Variants in PLEKHO1 observed in about 807,000 individuals in gnomAD.
PLEKHO1 encodes pleckstrin homology domain-containing family O member 1.
PLEKHO1 carries 22 observed loss-of-function variants against 41.4 expected under a neutral mutation model. The observed-to-expected ratio is 0.53, with a 90% CI of 0.38 to 0.76. PLEKHO1 has a LOEUF of 0.76. PLEKHO1 is among the 30% of genes least tolerant of loss of function. The pLI, the probability that PLEKHO1 is intolerant of heterozygous loss-of-function variation, is 0.00. For missense variants in PLEKHO1, 488 were observed against 518.3 expected (o/e 0.94, Z 0.57); for synonymous variants, 225 against 210.8 (o/e 1.07, Z -0.58).
intron 2 of PLEKHO1, chr1:150,155,320 T>G (rs1553820138): frequency 6.6e-6 from 1 of 152,132 alleles, no homozygotes; most frequent in Non-Finnish European, 1.5e-5. Context: ...AGGGAGAGTC[T>G]AAGTGCATTC....
chr1:150,149,914 C>T (rs1323602903), upstream of PLEKHO1: 1 of 151,282 alleles, frequency 6.6e-6, no homozygotes, highest in East Asian at 1.9e-4. Flanking sequence ...ACTGGGCCGC[C>T]CACAGCGCAC....
intron 5 of PLEKHO1, 65 bp from the exon 6 acceptor site, chr1:150,158,754 A>T: frequency 1.8e-6 from 2 of 1,083,652 alleles, no homozygotes; most frequent in Non-Finnish European, 2.7e-6. Context: ...TGCATCTTTT[A>T]GGCAGTCATT....
intron 2 of PLEKHO1, chr1:150,155,736 T>A: frequency 4.9e-6 from 1 of 205,818 alleles, no homozygotes; most frequent in South Asian, 1.2e-4. Context: ...CGTGAGCCTT[T>A]TTAGAACATG....
Position 150,159,825 on chromosome 1 carries a change from C to T in PLEKHO1, c.*302C>T, listed in dbSNP as rs782251768. The T allele has an allele frequency of 2.3e-5, 6 of 261,660 alleles. No individual in the cohort carries two copies. Among genetic ancestry groups the T allele is most frequent in the South Asian group, 9.8e-5 (1 of 10,238 alleles). The allele number at this position is 261,660 out of a possible 1,614,324, so 16.2% of individuals were successfully genotyped here. On this transcript the variant is annotated 3_prime_UTR_variant, in exon 6 of 6. Transcript: ENST00000369124. Reference sequence around the variant, plus strand: ...CTCCACACACCGCCCGCCCCCAAGACGGCACAGGGAGTCCACTGCTGCTCC... The same window carrying T: ...CTCCACACACCGCCCGCCCCCAAGATGGCACAGGGAGTCCACTGCTGCTCC...
rs1660280895 is a variant in PLEKHO1, at chr1:150,158,738, A to G, written c.526-81A>G. On this transcript the variant is annotated intron_variant, in intron 5 of 5. Coordinates refer to ENST00000369124, the MANE Select transcript of PLEKHO1 (RefSeq NM_016274.6). The stretch of plus-strand genomic sequence containing the variant: ...GGAAGGCTTGTAGAGGAAAATGACC[A>G]CAGCTTGCATCTTTTAGGCAGTCAT... 6.3e-6 allele frequency: 6 copies of G among 945,524 alleles called. No homozygotes were observed. The East Asian group carries it at 9.7e-5, about 15-fold the overall frequency. 58.6% of individuals were successfully genotyped at this position (945,524 alleles called of 1,614,324 possible).
chr1:150,151,572 G>T (rs72694954), intron 2 of PLEKHO1, among the ~76,000 whole-genome samples: 18,517 of 152,160 alleles, frequency 0.12, 1,334 homozygotes, highest in Non-Finnish European at 0.17. Context: ...TCGGGTGTGT[G>T]AGTGGCAGTT....
chr1:150,153,315 G>C (rs587626372), intron 2 of PLEKHO1, among the ~76,000 whole-genome samples: 1 of 152,244 alleles, frequency 6.6e-6, no homozygotes, highest in Non-Finnish European at 1.5e-5. Context: ...AGCCTCCGGA[G>C]TAGCTGGGAC....
At chr1:150,153,170 A>G (rs114052060) in intron 2 of PLEKHO1, 5,174 of 152,268 alleles carry the variant, frequency 0.034, 109 homozygotes, top group Non-Finnish European at 0.047. Flanking sequence ...GGCCAATAGA[A>G]TCAAGACACG....
rs1052271237 is a variant in PLEKHO1 at position 150,159,011 on chromosome 1, C to G, written c.718C>G (p.Leu240Val). 24 of 1,614,052 alleles carry G rather than the reference C, an allele frequency of 1.5e-5. No individual in the cohort carries two copies. The highest frequency in any genetic ancestry group is 2.0e-5 in the Non-Finnish European group (24 of 1,179,998). The change falls in exon 6 of 6, where the codon CTC becomes GTC. Residue 240 changes from leucine to valine, a missense_variant. Leu to Val is a conservative substitution (Grantham distance 32). This residue lies in a region of PLEKHO1 where 337 missense variants were observed against 324.6 expected (regional missense o/e 1.04). Transcript: ENST00000369124. ...IQPSADRASS[L>V]SRPWEKTDKG... ...GCCCTCCGCAGACCGGGCAAGCAGTCTCTCCCGACCTTGGGAAAAAACAGA... is the reference window on the plus strand; with the variant it reads ...GCCCTCCGCAGACCGGGCAAGCAGTGTCTCCCGACCTTGGGAAAAAACAGA...
Position 150,159,061 on chromosome 1 carries a change from G to C in PLEKHO1, c.768G>C (p.Gln256His). 1.2e-6 allele frequency: 2 copies of C among 1,614,032 alleles called. No homozygotes were observed. Among genetic ancestry groups the C allele is most frequent in the Non-Finnish European group, 1.7e-6 (2 of 1,179,964 alleles). Reference sequence around the variant, plus strand: ...ACAAAGGGGCCACCTACACCCCCCAGGCACCCAAGAAGTTGACGCCCACAG... The same window carrying C: ...ACAAAGGGGCCACCTACACCCCCCACGCACCCAAGAAGTTGACGCCCACAG... ...KTDKGATYTP[Q>H]APKKLTPTEK... Residue 256 changes from glutamine to histidine, a missense_variant, in exon 6 of 6, where the codon CAG (glutamine) becomes CAC (histidine). Gln to His is a conservative substitution (Grantham distance 24). Coordinates refer to ENST00000369124, the MANE Select transcript of PLEKHO1 (RefSeq NM_016274.6).
rs1553820703 is a variant in PLEKHO1 at position 150,157,503 on chromosome 1, T to C, written c.525+17T>C. The C allele has an allele frequency of 6.4e-7, 1 of 1,550,878 alleles. No individual in the cohort carries two copies. Among genetic ancestry groups the C allele is most frequent in the South Asian group, 1.1e-5 (1 of 89,652 alleles). ...ATGGCTGTGGTATGTAAGACTGTAATAAACATTGCCAAAGGGCCAATTCTG... is the reference window on the plus strand; with the variant it reads ...ATGGCTGTGGTATGTAAGACTGTAACAAACATTGCCAAAGGGCCAATTCTG... On this transcript the variant is annotated intron_variant, in intron 5 of 5. Transcript: ENST00000369124.
chr1:150,150,491 G>A (rs1457428298), intron 1 of PLEKHO1: 2 of 165,380 alleles, frequency 1.2e-5, no homozygotes, highest in African/African-American at 4.8e-5. Context: ...ACTTGGCTGA[G>A]TTTCCCCACG....
chr1:150,154,347 C>T (rs1024552863), intron 2 of PLEKHO1: 2 of 152,312 alleles, frequency 1.3e-5, no homozygotes, highest in African/African-American at 4.8e-5. Context: ...CATTCAAGGC[C>T]TCTGGCCACT....
rs953306081 is a variant in PLEKHO1, at chr1:150,150,893, T to C, written c.31-19T>C. 2 of 1,612,364 alleles carry C rather than the reference T, an allele frequency of 1.2e-6. No homozygotes were observed. Among genetic ancestry groups the C allele is most frequent in the Non-Finnish European group, 1.7e-6 (2 of 1,178,720 alleles). ...CTGGAATCTCCTAACCGCCCGCTTC[T>C]CATCTTGTCCTGGGGCAGGGACCTC... On this transcript the variant is annotated intron_variant, in intron 1 of 5. Transcript: ENST00000369124.
intron 2 of PLEKHO1, among the ~76,000 whole-genome samples, chr1:150,151,260 T>G (rs1659916543): frequency 6.6e-6 from 1 of 152,198 alleles, no homozygotes; most frequent in African/African-American, 2.4e-5. Flanking sequence ...AGTTGGCCGC[T>G]TACTCAGTGT....
intron 2 of PLEKHO1, chr1:150,153,541 A>G (rs1430682267): frequency 6.6e-6 from 1 of 151,936 alleles, no homozygotes; most frequent in Non-Finnish European, 1.5e-5. Flanking sequence ...CTGTTAATGC[A>G]AGAAAATTTC....
intron 4 of PLEKHO1, 157 bp downstream of exon 4, chr1:150,157,172 T>C: frequency 1.4e-6 from 1 of 697,054 alleles, no homozygotes; most frequent in Non-Finnish European, 2.6e-6. Flanking sequence ...TCTTTCTACC[T>C]TCTCTCCAAG....
Position 150,159,550 on chromosome 1 carries a change from G to C in PLEKHO1, c.*27G>C, listed in dbSNP as rs587612115. On this transcript the variant is annotated 3_prime_UTR_variant, in exon 6 of 6. Transcript: ENST00000369124. ...GGCAGGGTGGGGTCTGGAACTTGTC[G>C]GGTTGGACAGACTCTTATCTCCGTG... is the stretch of plus-strand genomic sequence containing the variant. 1 of 1,432,338 alleles carries C rather than the reference G, an allele frequency of 7.0e-7. No homozygotes were observed. Among genetic ancestry groups the C allele is most frequent in the Non-Finnish European group, 9.5e-7 (1 of 1,048,336 alleles). The allele number at this position is 1,432,338 out of a possible 1,614,324, so 88.7% of individuals were successfully genotyped here.
In PLEKHO1 at chr1:150,150,212, C is replaced by T. The variant is rs880000032; in HGVS notation, c.-46C>T. ...CCGCGGTGCCGCCGAGGCCCCGACG[C>T]GGGGCCGCCCCTCGGCTCGCCGCCC... On this transcript the variant is annotated 5_prime_UTR_variant, in exon 1 of 6. Coordinates refer to ENST00000369124, the MANE Select transcript of PLEKHO1 (RefSeq NM_016274.6). 5.8e-5 allele frequency: 58 copies of T among 999,808 alleles called. No homozygotes were observed. Among genetic ancestry groups the T allele is most frequent in the Non-Finnish European group, 6.7e-5 (56 of 834,600 alleles). 61.9% of individuals were successfully genotyped at this position (999,808 alleles called of 1,614,324 possible). A position where few individuals can be genotyped will look rare whatever the true frequency, so the allele number is the denominator to read the frequency against.
Sources: allele counts gnomAD v4.1 joint callset (sites outside exome capture counted in the v4.1 genomes callset), GRCh38; gene constraint gnomAD v4.1.1; regional missense constraint gnomAD v4.1.1; transcripts MANE v1.5; gene names NCBI Gene and HGNC (gene_info 2026-07-23, HGNC 2026-07-21).